The following LAMC3 variants were observed in gnomAD, a reference collection of about 807,000 sequenced individuals.
LAMC3 encodes laminin subunit gamma-3.
LAMC3 carries 128 observed loss-of-function variants against 173.8 expected under a neutral mutation model. The observed-to-expected ratio is 0.74, with a 90% confidence interval of 0.64 to 0.85. The LOEUF is 0.85. Among genes scored for constraint, LAMC3 ranks in the 40% least tolerant of loss-of-function variants. The pLI is 0.00. For synonymous variants in LAMC3, 897 were observed against 909.1 expected, an observed-to-expected ratio of 0.99 and a Z score of 0.24; for missense variants, 2,022 against 2,156.0, an observed-to-expected ratio of 0.94 and a Z score of 1.23.
At chr9:131,023,834 G>A (rs796959674) in intron 1 of LAMC3, among the ~76,000 whole-genome samples, 16 of 152,160 alleles carry the variant, frequency 1.1e-4, no homozygotes, top group African/African-American at 3.6e-4. Flanking sequence ...GAACTCCTGC[G>A]CTCAAGCAAT....
In LAMC3 at chr9:131,087,631, G is replaced by A. The variant is rs750235725; in HGVS notation, c.4377+9G>A. 1 of 1,613,864 alleles carries A rather than the reference G, an allele frequency of 6.2e-7. No individual in the cohort carries two copies. The highest frequency in any genetic ancestry group is 8.5e-7 in the Non-Finnish European group (1 of 1,179,914). On this transcript the variant is annotated intron_variant, in intron 26 of 27. Coordinates refer to ENST00000361069, the MANE Select transcript of LAMC3 (RefSeq NM_006059.4). The stretch of plus-strand genomic sequence containing the variant: ...TGGAGGAAGCTGAGCGGGTACGTTT[G>A]CCAGGGCCCCTACCCTATCGCCTCC...
At position 131,061,090 on chromosome 9, in the gene LAMC3, A is replaced by G; in HGVS notation, c.2214A>G (p.Pro738=). 6.2e-7 allele frequency: 1 copy of G among 1,614,136 alleles called. No homozygotes were observed. The highest frequency in any genetic ancestry group is 8.5e-7 in the Non-Finnish European group (1 of 1,180,030). The change falls in exon 13 of 28, where the codon CCA becomes CCG. Residue 738 remains proline, a synonymous_variant. Coordinates refer to ENST00000361069, the MANE Select transcript of LAMC3 (RefSeq NM_006059.4). ...TEGPSCERCL[P]GFYGNPFAGQ... Reference sequence around the variant, plus strand: ...GCCCATCCTGTGAACGCTGTTTGCCAGGTTTCTATGGCAACCCTTTCGCGG... The same window carrying G: ...GCCCATCCTGTGAACGCTGTTTGCCGGGTTTCTATGGCAACCCTTTCGCGG...
At chr9:131,077,038 C>G in intron 21 of LAMC3, 149 bp from the exon 22 acceptor site, 1 of 983,972 alleles carries the variant, frequency 1.0e-6, no homozygotes, top group South Asian at 1.4e-5. Flanking sequence ...CAGCCACTTT[C>G]CGAGGCAGCT....
At chr9:131,016,250 G>A (rs76807913) in intron 1 of LAMC3, among the ~76,000 whole-genome samples, 6,013 of 152,240 alleles carry the variant, frequency 0.039, 404 homozygotes, top group African/African-American at 0.13. Flanking sequence ...GGGGCTGGGG[G>A]AGGGGCAATG....
At chr9:131,040,712 T>C (rs961531902) in intron 6 of LAMC3, among the ~76,000 whole-genome samples, 14 of 151,456 alleles carry the variant, frequency 9.2e-5, no homozygotes, top group African/African-American at 3.4e-4. Context: ...CTCCCCAGCC[T>C]GTGGCTCACA....
intron 18 of LAMC3, among the ~76,000 whole-genome samples, chr9:131,071,915 C>T (rs1002217727): frequency 6.6e-6 from 1 of 152,220 alleles, no homozygotes; most frequent in Non-Finnish European, 1.5e-5. Flanking sequence ...GAGGGTCTTG[C>T]TGTCTTGATT....
Position 131,069,008 on chromosome 9 carries a change from T to C in LAMC3, c.2848T>C (p.Cys950Arg), listed in dbSNP as rs760105185. The C allele has an allele frequency of 1.9e-5, 31 of 1,613,862 alleles. No homozygotes were observed. The highest frequency in any genetic ancestry group is 2.6e-5 in the Non-Finnish European group (31 of 1,180,008). ...PGVTGQACDR[C>R]QLGFFGFSIK... ...TGTCACAGGCCAGGCCTGTGACAGG[T>C]GCCAGCTGGGTTTCTTCGGCTTCTC... is the stretch of plus-strand genomic sequence containing the variant. Residue 950 changes from cysteine (C) to arginine (R), a missense_variant, in exon 16 of 28, where the codon TGC (cysteine) becomes CGC (arginine). By Grantham distance (180) the Cys-to-Arg change is radical (BLOSUM62 -3). Transcript: ENST00000361069.
At chr9:131,016,246 G>A (rs1001902317) in intron 1 of LAMC3, among the ~76,000 whole-genome samples, 2 of 152,178 alleles carry the variant, frequency 1.3e-5, no homozygotes, top group Admixed American at 6.5e-5. Flanking sequence ...GCCAGGGGCT[G>A]GGGGAGGGGC....
intron 27 of LAMC3, among the ~76,000 whole-genome samples, chr9:131,090,826 A>G (rs1830411662): frequency 6.6e-6 from 1 of 152,076 alleles, no homozygotes; most frequent in African/African-American, 2.4e-5. Context: ...CAGGAGTTTG[A>G]GACCAGCCTG....
chr9:131,059,639 A>G lies in LAMC3; in HGVS notation c.2159-1396A>G, dbSNP rs139787135. ...GATAATCGAGCCCAGACAAGGCCAC[A>G]TAATCCCTCCCTGCTGCAGTGCTTC... On this transcript the variant is annotated intron_variant, in intron 12 of 27. Transcript: ENST00000361069. Among the ~76,000 whole-genome samples, 280 of 152,234 alleles carry G rather than the reference A, an allele frequency of 1.8e-3. 1 individual carries two copies. The highest frequency in any genetic ancestry group is 6.4e-3 in the African/African-American group (266 of 41,528).
intron 1 of LAMC3, among the ~76,000 whole-genome samples, chr9:131,021,533 G>A (rs1249348348): frequency 1.3e-5 from 2 of 151,834 alleles, no homozygotes; most frequent in East Asian, 1.9e-4. Context: ...GCTCTCAGAC[G>A]ACAGCCATCA....
At chr9:131,033,116 C>T (rs1266362042) in intron 3 of LAMC3, among the ~76,000 whole-genome samples, 1 of 152,180 alleles carries the variant, frequency 6.6e-6, no homozygotes, top group Non-Finnish European at 1.5e-5. Flanking sequence ...TCTGTCCCCT[C>T]CAGGAAGCAG....
Position 131,010,914 on chromosome 9 carries a change from C to T in LAMC3, c.373+1327C>T, listed in dbSNP as rs867967716. 7.2e-5 allele frequency among the ~76,000 whole-genome samples: 11 copies of T among 152,314 alleles called. 1 individual carries two copies. The highest frequency in any genetic ancestry group is 4.1e-4 in the South Asian group (2 of 4,822). The stretch of plus-strand genomic sequence containing the variant: ...GCCCGATTCCCATGTCCTCTGTGGC[C>T]GGGTAAGCGCCAAGTGTCTTTCCTG... On this transcript the variant is annotated intron_variant, in intron 1 of 27. Transcript: ENST00000361069.
At chr9:131,045,440 A>T in intron 7 of LAMC3, 84 bp from the exon 8 acceptor site, 2 of 1,505,850 alleles carry the variant, frequency 1.3e-6, no homozygotes, top group South Asian at 1.1e-5. Flanking sequence ...CTAGACTCTC[A>T]TTGGTCCAGC....
Position 131,029,667 on chromosome 9 carries a change from A to G in LAMC3, c.679-2378A>G, listed in dbSNP as rs2133231662. Among the ~76,000 whole-genome samples, 1 of 152,330 alleles carries G rather than the reference A, an allele frequency of 6.6e-6. No individual in the cohort carries two copies. ...TCAGAGGACACAGAGCTTGGAAGGA[A>G]GGATGTGGCTGCTGGGTCTTGGGTC... On this transcript the variant is annotated intron_variant, in intron 2 of 27. Transcript: ENST00000361069. This position sits in a 1 kb window ranked among gnomAD's most constrained non-coding sequence, Gnocchi z 4.6.
chr9:131,050,579 A>G (rs954707686), intron 9 of LAMC3, among the ~76,000 whole-genome samples: 2 of 152,152 alleles, frequency 1.3e-5, no homozygotes, highest in Non-Finnish European at 2.9e-5. Flanking sequence ...CAGCCTGACC[A>G]ATATGGTGAA....
rs1295806799 is a variant in LAMC3, at chr9:131,082,181, C to A, written c.4030+20C>A. The stretch of plus-strand genomic sequence containing the variant: ...TGGAAGGTACGTGAGTCCAGCTGAC[C>A]ACTAGGCTGTGTAATGACGAACGCC... On this transcript the variant is annotated intron_variant, in intron 24 of 27. Transcript: ENST00000361069. The A allele has an allele frequency of 6.3e-7, 1 of 1,577,194 alleles. No individual in the cohort carries two copies. Among genetic ancestry groups the A allele is most frequent in the South Asian group, 1.1e-5 (1 of 89,458 alleles).
rs1211222054 is a variant in LAMC3 at position 131,068,371 on chromosome 9, G to T, written c.2747+140G>T. 3 of 837,522 alleles carry T rather than the reference G, an allele frequency of 3.6e-6. No homozygotes were observed. The African/African-American group carries it at 5.1e-5, about 14-fold the overall frequency. The allele number at this position is 837,522 out of a possible 1,614,324, so 51.9% of individuals were successfully genotyped here. ...GGCACATTGTGCCCTTTGCCGAAGG[G>T]GAGCAAAGGGATGGACTCTTGGCAT... is the stretch of plus-strand genomic sequence containing the variant. On this transcript the variant is annotated intron_variant, in intron 15 of 27. Coordinates refer to ENST00000361069, the MANE Select transcript of LAMC3 (RefSeq NM_006059.4).
chr9:131,061,013 T>C (rs369039972), intron 12 of LAMC3, 22 bp from the exon 13 acceptor site: 1 of 1,613,076 alleles, frequency 6.2e-7, no homozygotes. Flanking sequence ...GTTCAGACAG[T>C]GGTGCTTGTC....
Sources: gnomAD v4.1 joint callset for allele counts (sites outside exome capture counted in the v4.1 genomes callset) on GRCh38, gnomAD v4.1.1 for gene constraint, Gnocchi (gnomAD v3.1) non-coding constraint, MANE v1.5 for transcripts, NCBI Gene and HGNC (gene_info 2026-07-23, HGNC 2026-07-21) for gene names.